SNX27: variants seen among roughly 807,000 people sequenced by gnomAD.
The protein encoded by SNX27 is sorting nexin-27.
A neutral mutation model predicts 71.6 loss-of-function variants in SNX27; 22 were observed. The observed-to-expected ratio is 0.31, with a 90% CI of 0.22 to 0.44. The LOEUF (loss-of-function observed/expected upper bound fraction) is 0.44, where lower values mean the gene tolerates loss of function less well. Among genes scored for constraint, SNX27 ranks in the 20% least tolerant of loss-of-function variants. The pLI, the probability that SNX27 is intolerant of heterozygous loss-of-function variation, is 1.00. For missense variants in SNX27, 531 were observed against 698.6 expected (o/e 0.76, Z 2.70); for synonymous variants, 269 against 277.2 (o/e 0.97, Z 0.29).
chr1:151,649,206 C>T (rs1030409418), intron 2 of SNX27, among the ~76,000 whole-genome samples: 3 of 152,042 alleles, frequency 2.0e-5, no homozygotes, highest in Admixed American at 6.6e-5. Context: ...GTGATCCACC[C>T]GCCTTTGCCT....
chr1:151,612,532 G>A lies in SNX27; in HGVS notation c.311+20G>A, dbSNP rs1400248022. The A allele has an allele frequency of 1.7e-5, 22 of 1,314,984 alleles. No individual in the cohort carries two copies. The highest frequency in any genetic ancestry group is 2.1e-5 in the Non-Finnish European group (22 of 1,029,716). The allele number at this position is 1,314,984 out of a possible 1,614,324, so 81.5% of individuals were successfully genotyped here. A position where few individuals can be genotyped will look rare whatever the true frequency, so the allele number is the denominator to read the frequency against. Reference sequence around the variant, plus strand: ...GGAGGTGTGAGTATCGGGGCTACCCGCCGCCCCATCCTCCCCGCGCCCCTC... The same window carrying A: ...GGAGGTGTGAGTATCGGGGCTACCCACCGCCCCATCCTCCCCGCGCCCCTC... On this transcript the variant is annotated intron_variant, in intron 1 of 11. Coordinates refer to ENST00000458013, the MANE Select transcript of SNX27 (RefSeq NM_001330723.2). This position sits in a 1 kb window ranked among gnomAD's most constrained non-coding sequence, Gnocchi z 5.2.
At chr1:151,660,113 G>A (rs1026482625) in intron 3 of SNX27, 7 of 152,044 alleles carry the variant, frequency 4.6e-5, no homozygotes, top group African/African-American at 1.7e-4. Flanking sequence ...AAAATCAAAC[G>A]AAGTAAAGTC....
intron 8 of SNX27, among the ~76,000 whole-genome samples, chr1:151,691,067 T>G (rs1327177352): frequency 6.6e-6 from 1 of 152,176 alleles, no homozygotes; most frequent in Non-Finnish European, 1.5e-5. Flanking sequence ...TTGTTTATAG[T>G]GCCAATGGCA....
intron 8 of SNX27, among the ~76,000 whole-genome samples, 161 bp downstream of exon 8, chr1:151,683,606 C>G (rs1671064820): frequency 6.6e-6 from 1 of 151,422 alleles, no homozygotes; most frequent in Admixed American, 6.6e-5. Context: ...TTGTGTTTCT[C>G]CATTTAACAC....
intron 8 of SNX27, 88 bp from the exon 9 acceptor site, chr1:151,692,347 T>A: frequency 7.1e-7 from 1 of 1,401,834 alleles, no homozygotes; most frequent in Non-Finnish European, 9.3e-7. Context: ...TTGCACCACA[T>A]CTCAATAGCT....
chr1:151,646,047 T>C (rs184922052), intron 2 of SNX27, among the ~76,000 whole-genome samples: 1 of 152,296 alleles, frequency 6.6e-6, no homozygotes, highest in African/African-American at 2.4e-5. Flanking sequence ...ATTGATCCCT[T>C]TAACATTATT....
At chr1:151,679,825 A>G (rs1438846997) in intron 7 of SNX27, 1 of 152,182 alleles carries the variant, frequency 6.6e-6, no homozygotes, top group Non-Finnish European at 1.5e-5. Flanking sequence ...TTTGGGTGCT[A>G]CAAGAGAGTT....
intron 1 of SNX27, among the ~76,000 whole-genome samples, chr1:151,624,749 A>G (rs1034937836): frequency 6.6e-6 from 1 of 151,898 alleles, no homozygotes; most frequent in African/African-American, 2.4e-5. Context: ...TTATATTTTT[A>G]TATTTATTTT....
chr1:151,683,246 C>T, intron 7 of SNX27, 110 bp from the exon 8 acceptor site: 1 of 771,934 alleles, frequency 1.3e-6, no homozygotes, highest in Admixed American at 2.6e-5. Flanking sequence ...TGATGGTGGT[C>T]CAAGTGGATA....
At chr1:151,613,286 T>C (rs1171696043) in intron 1 of SNX27, 2 of 152,694 alleles carry the variant, frequency 1.3e-5, no homozygotes, top group African/African-American at 4.8e-5. Context: ...CACCCTAATT[T>C]GGAATCTAGC....
intron 2 of SNX27, among the ~76,000 whole-genome samples, chr1:151,643,603 T>C (rs1668887739): frequency 6.6e-6 from 1 of 151,940 alleles, no homozygotes; most frequent in Non-Finnish European, 1.5e-5. Context: ...ATAAGAACTT[T>C]ATTAAGATAT....
intron 5 of SNX27, among the ~76,000 whole-genome samples, chr1:151,664,460 C>T (rs1670104716): frequency 6.6e-6 from 1 of 151,796 alleles, no homozygotes. Context: ...ATTTCTTACC[C>T]TAGATATCTA....
chr1:151,635,643 C>G (rs529347664), intron 1 of SNX27, among the ~76,000 whole-genome samples: 1 of 152,236 alleles, frequency 6.6e-6, no homozygotes, highest in Admixed American at 6.5e-5. Context: ...GGGGTTTTTA[C>G]TGACCTTATT....
chr1:151,615,809 G>GAT (rs1667401536), intron 1 of SNX27: 2 of 985,002 alleles, frequency 2.0e-6, no homozygotes, highest in Admixed American at 1.2e-4. Flanking sequence ...ACAGTGGTGT[G>GAT]AAAGAACAGA....
intron 2 of SNX27, among the ~76,000 whole-genome samples, chr1:151,656,080 G>A (rs1373696002): frequency 2.0e-5 from 3 of 151,914 alleles, no homozygotes; most frequent in Admixed American, 6.6e-5. Context: ...AAAATTAGCC[G>A]GCCATGGTGG....
chr1:151,642,764 G>C (rs1030620067), intron 2 of SNX27, among the ~76,000 whole-genome samples: 1 of 151,334 alleles, frequency 6.6e-6, no homozygotes, highest in African/African-American at 2.4e-5. Context: ...TCAGTCTCCC[G>C]AGTAGCTGGG....
chr1:151,623,988 G>T (rs2102603405), intron 1 of SNX27, among the ~76,000 whole-genome samples: 1 of 152,108 alleles, frequency 6.6e-6, no homozygotes, highest in East Asian at 1.9e-4. Context: ...TAGAGACAAG[G>T]TATCACTCTT....
chr1:151,630,302 G>C (rs1668165746), intron 1 of SNX27, among the ~76,000 whole-genome samples: 1 of 151,858 alleles, frequency 6.6e-6, no homozygotes, highest in African/African-American at 2.4e-5. Flanking sequence ...TATATCTTTA[G>C]ATGCATATTG....
At chr1:151,655,127 C>T (rs1206901305) in intron 2 of SNX27, among the ~76,000 whole-genome samples, 2 of 151,506 alleles carry the variant, frequency 1.3e-5, no homozygotes, top group South Asian at 2.1e-4. Flanking sequence ...TTTCTCCTGG[C>T]ATACAGTTAA....
Sources: gnomAD v4.1 joint callset for allele counts (sites outside exome capture counted in the v4.1 genomes callset) on GRCh38, gnomAD v4.1.1 for gene constraint, Gnocchi (gnomAD v3.1) non-coding constraint, MANE v1.5 for transcripts, NCBI Gene and HGNC (gene_info 2026-07-23, HGNC 2026-07-21) for gene names.